DSCAM: variants seen among roughly 807,000 people sequenced by gnomAD.
The protein encoded by DSCAM is cell adhesion molecule DSCAM.
In DSCAM, 47 loss-of-function variants were observed where a neutral mutation model predicts 217.7. The ratio of observed to expected loss-of-function variants is 0.22; its 90% CI spans 0.17 to 0.28. The LOEUF (loss-of-function observed/expected upper bound fraction) is 0.28. Ranked by LOEUF, DSCAM falls within the 10% of genes least tolerant of loss-of-function variation. The probability of loss-of-function intolerance (pLI) is 1.00; values close to 1 mark genes in which losing one functional copy is unlikely to be tolerated. For synonymous variants in DSCAM, 1,056 were observed against 1,015.3 expected, an observed-to-expected ratio of 1.04 and a Z score of -0.76; for missense variants, 2,080 against 2,618.3, an observed-to-expected ratio of 0.79 and a Z score of 4.49.
At chr21:40,486,707 A>C (rs974829666) in intron 3 of DSCAM, among the ~76,000 whole-genome samples, 2 of 152,146 alleles carry the variant, frequency 1.3e-5, no homozygotes, top group Admixed American at 6.5e-5. Flanking sequence ...TTGAATTTTC[A>C]CGGGGTAAAC....
chr21:40,106,903 T>TA (rs2089828556), intron 20 of DSCAM, among the ~76,000 whole-genome samples: 1 of 151,840 alleles, frequency 6.6e-6, no homozygotes, highest in Non-Finnish European at 1.5e-5. Context: ...CTATTTTATT[T>TA]TTTTTTTCAA....
intron 3 of DSCAM, among the ~76,000 whole-genome samples, chr21:40,683,496 T>C (rs774447414): frequency 6.6e-6 from 1 of 151,900 alleles, no homozygotes; most frequent in Non-Finnish European, 1.5e-5. Flanking sequence ...GTATGGAAGT[T>C]AGCAAAGGGA....
At chr21:40,772,972 A>AT (rs1481950303) in intron 1 of DSCAM, among the ~76,000 whole-genome samples, 1 of 152,258 alleles carries the variant, frequency 6.6e-6, no homozygotes, top group Non-Finnish European at 1.5e-5. Flanking sequence ...CACAGTCAGT[A>AT]ACTGGCTGAC....
intron 1 of DSCAM, among the ~76,000 whole-genome samples, chr21:40,811,024 A>G (rs1371143975): frequency 4.6e-5 from 7 of 152,228 alleles, no homozygotes. Context: ...AGGGCTATTG[A>G]AACCCCAGAT....
chr21:40,149,292 A>C (rs1028931154), intron 16 of DSCAM, among the ~76,000 whole-genome samples: 1 of 149,588 alleles, frequency 6.7e-6, no homozygotes, highest in African/African-American at 2.5e-5. Context: ...CACCAATATC[A>C]CTATCACCAC....
chr21:40,142,250 A>T (rs970699351), intron 18 of DSCAM, among the ~76,000 whole-genome samples: 1 of 152,202 alleles, frequency 6.6e-6, no homozygotes, highest in African/African-American at 2.4e-5. Flanking sequence ...TGTTCTAGAT[A>T]GAGATGGAGG....
chr21:40,259,863 G>A (rs551116250), intron 11 of DSCAM, among the ~76,000 whole-genome samples: 3 of 150,998 alleles, frequency 2.0e-5, no homozygotes, highest in Non-Finnish European at 3.0e-5. Context: ...TCCTTTGTTC[G>A]GTGTACTCTT....
intron 3 of DSCAM, among the ~76,000 whole-genome samples, chr21:40,504,223 G>A (rs886975232): frequency 5.3e-5 from 8 of 152,268 alleles, no homozygotes; most frequent in South Asian, 2.1e-4. Context: ...AGAGTGGGGC[G>A]AGGAGAGAGG....
chr21:40,062,898 A>C lies in DSCAM; in HGVS notation c.4890T>G (p.Asp1630Glu), dbSNP rs763982794. 1 of 1,598,970 alleles carries C rather than the reference A, an allele frequency of 6.3e-7. No individual in the cohort carries two copies. The change falls in exon 28 of 33, where the codon GAT becomes GAG. Residue 1630 changes from aspartate (D) to glutamate (E), a missense_variant and splice_region_variant. Asp to Glu is a conservative substitution (Grantham distance 45). Transcript: ENST00000400454. ...TGAGCATTTCAGCTAAACTCTTTGC[A>C]TCTGGGGAAAGAAAGTTAACATTAG... ...RREQRLKRLR[D>E]AKSLAEMLMS...
chr21:40,390,495 AT>A (rs1452278772), intron 3 of DSCAM, among the ~76,000 whole-genome samples: 1 of 152,180 alleles, frequency 6.6e-6, no homozygotes, highest in Non-Finnish European at 1.5e-5. Flanking sequence ...TGGCATCCAC[AT>A]TATTTTCCCA....
intron 23 of DSCAM, among the ~76,000 whole-genome samples, chr21:40,085,033 TATTG>T (rs1275288371): frequency 6.6e-6 from 1 of 152,208 alleles, no homozygotes; most frequent in Admixed American, 6.5e-5. Context: ...CTCAATCACT[TATTG>T]ATTGGGATTT....
rs140623164 is a variant in DSCAM at position 40,175,625 on chromosome 21, C to T, written c.2947+3302G>A. On this transcript the variant is annotated intron_variant, in intron 15 of 32. Coordinates refer to ENST00000400454, the MANE Select transcript of DSCAM (RefSeq NM_001389.5). ...TGATGCTATTAATGATGGGTCCACC[C>T]TCACTTCCTAAAGGCCCCACTTCTT... Among the ~76,000 whole-genome samples, 282 of 152,148 alleles carry T rather than the reference C, an allele frequency of 1.9e-3. 1 individual carries two copies. The highest frequency in any genetic ancestry group is 6.7e-3 in the African/African-American group (278 of 41,506).
At chr21:40,116,007 T>C (rs1045959167) in intron 20 of DSCAM, among the ~76,000 whole-genome samples, 1 of 152,174 alleles carries the variant, frequency 6.6e-6, no homozygotes, top group African/African-American at 2.4e-5. Context: ...TTTGCAGAGA[T>C]GGATGGAGCT....
intron 3 of DSCAM, among the ~76,000 whole-genome samples, chr21:40,392,504 C>T (rs896307954): frequency 3.3e-5 from 5 of 152,090 alleles, no homozygotes; most frequent in East Asian, 3.9e-4. Flanking sequence ...CTAACCAACA[C>T]GACGTAGAAA....
intron 16 of DSCAM, among the ~76,000 whole-genome samples, chr21:40,146,114 C>G (rs2090354006): frequency 6.6e-6 from 1 of 152,092 alleles, no homozygotes; most frequent in African/African-American, 2.4e-5. Flanking sequence ...AATCGACCTG[C>G]AGAGAGGAAA....
chr21:40,432,289 C>T (rs1407679205), intron 3 of DSCAM, among the ~76,000 whole-genome samples: 1 of 152,122 alleles, frequency 6.6e-6, no homozygotes, highest in African/African-American at 2.4e-5. Context: ...GTTGGCAAGG[C>T]TGTTTTTTCC....
At chr21:40,341,423 T>G (rs2074489860) in intron 6 of DSCAM, among the ~76,000 whole-genome samples, 1 of 152,206 alleles carries the variant, frequency 6.6e-6, no homozygotes, top group Admixed American at 6.5e-5. Flanking sequence ...TTTAGAAAAA[T>G]GTTCTTCAGT....
chr21:40,397,065 A>T (rs549108068), intron 3 of DSCAM, among the ~76,000 whole-genome samples: 1 of 152,238 alleles, frequency 6.6e-6, no homozygotes, highest in East Asian at 1.9e-4. Context: ...ACATGGTTAC[A>T]TTGCTTTCAT....
intron 1 of DSCAM, among the ~76,000 whole-genome samples, chr21:40,789,557 T>TTA (rs1228594966): frequency 1.9e-5 from 1 of 54,014 alleles, no homozygotes; most frequent in Non-Finnish European, 6.6e-5. Flanking sequence ...AGATTGATTT[T>TTA]TTTTTTTTTT....
Sources: gnomAD v4.1 joint callset for allele counts (sites outside exome capture counted in the v4.1 genomes callset) on GRCh38, gnomAD v4.1.1 for gene constraint, MANE v1.5 for transcripts, NCBI Gene and HGNC (gene_info 2026-07-23, HGNC 2026-07-21) for gene names.